The following ENOX2 variants were observed in gnomAD, a reference collection of about 807,000 sequenced individuals.
ENOX2 encodes the protein ecto-NOX disulfide-thiol exchanger 2.
A neutral mutation model predicts 45.0 loss-of-function variants in ENOX2; 36 were observed. The observed-to-expected ratio is 0.80, with a 90% confidence interval of 0.61 to 1.06. ENOX2 has a LOEUF of 1.06. Among genes scored for constraint, ENOX2 ranks in the 50% least tolerant of loss-of-function variants. The probability of loss-of-function intolerance (pLI) is 0.00; values close to 1 mark genes in which losing one functional copy is unlikely to be tolerated. For missense variants in ENOX2, 423 were observed against 462.5 expected (o/e 0.91, Z 0.78); for synonymous variants, 174 against 152.3 (o/e 1.14, Z -1.05).
intron 2 of ENOX2, among the ~76,000 whole-genome samples, chrX:130,855,904 G>A (rs1161136690): frequency 2.7e-5 from 3 of 111,222 alleles, no homozygotes; most frequent in Non-Finnish European, 5.7e-5. Flanking sequence ...AGAAAGAAAG[G>A]TCAAAGGACA....
chrX:130,797,971 T>G (rs1326455394), intron 2 of ENOX2, among the ~76,000 whole-genome samples: 1 of 110,883 alleles, frequency 9.0e-6, no homozygotes, highest in Non-Finnish European at 1.9e-5. Flanking sequence ...TTTAAGGCAG[T>G]GTGTCTTATC....
chrX:130,666,493 G>A (rs1227875261), intron 8 of ENOX2, among the ~76,000 whole-genome samples: 1 of 111,760 alleles, frequency 8.9e-6, no homozygotes, highest in African/African-American at 3.3e-5. Context: ...GAAAAGAAAA[G>A]CAGGACAAGA....
At chrX:130,747,271 T>G (rs913909876) in intron 3 of ENOX2, among the ~76,000 whole-genome samples, 4 of 106,941 alleles carry the variant, frequency 3.7e-5, no homozygotes, top group African/African-American at 1.0e-4. Context: ...TAAGTTTTTG[T>G]TTTTTTTTTC....
At chrX:130,635,503 T>C (rs1569477789) in intron 11 of ENOX2, among the ~76,000 whole-genome samples, 2 of 112,213 alleles carry the variant, frequency 1.8e-5, no homozygotes, top group Non-Finnish European at 3.8e-5. Flanking sequence ...TAGTAGTAAA[T>C]AATCCAAATT....
rs1035440785 is a variant in ENOX2, at chrX:130,677,575, T to C, written c.460+1967A>G. Among the ~76,000 whole-genome samples, 6 of 111,316 alleles carry C rather than the reference T, an allele frequency of 5.4e-5. No individual in the cohort carries two copies. The South Asian group carries it at 1.5e-3, about 29-fold the overall frequency. On this transcript the variant is annotated intron_variant, in intron 6 of 14. Coordinates refer to ENST00000394363, the MANE Select transcript of ENOX2 (RefSeq NM_006375.4). ...AAGAGCTGGGGCCTTTAAGAGGTGA[T>C]TGGGTCATGAAGTCTCTGTCCTCAT...
intron 2 of ENOX2, among the ~76,000 whole-genome samples, chrX:130,795,018 G>A (rs1172148182): frequency 1.8e-5 from 2 of 111,692 alleles, no homozygotes; most frequent in African/African-American, 6.5e-5. Context: ...TATTAATTTT[G>A]CTATACTGCG....
At chrX:130,755,645 T>C (rs1197024433) in intron 3 of ENOX2, among the ~76,000 whole-genome samples, 1 of 110,678 alleles carries the variant, frequency 9.0e-6, no homozygotes, top group African/African-American at 3.3e-5. Flanking sequence ...ACATGAGACA[T>C]TTGGATATAG....
chrX:130,771,157 A>G, intron 3 of ENOX2, among the ~76,000 whole-genome samples: 1 of 112,420 alleles, frequency 8.9e-6, no homozygotes, highest in Middle Eastern at 4.6e-3. Flanking sequence ...GAGGTGCCAG[A>G]AATCTCTGTG....
At chrX:130,728,131 G>A (rs1471166875) in intron 3 of ENOX2, among the ~76,000 whole-genome samples, 1 of 111,490 alleles carries the variant, frequency 9.0e-6, no homozygotes, top group Non-Finnish European at 1.9e-5. Context: ...TCACTTGGCA[G>A]GTTCCTGTAG....
At chrX:130,660,595 C>G (rs961747604) in intron 9 of ENOX2, among the ~76,000 whole-genome samples, 1 of 112,001 alleles carries the variant, frequency 8.9e-6, no homozygotes, top group African/African-American at 3.2e-5. Flanking sequence ...ATAGCTGTCT[C>G]CCAGATTTGC....
intron 3 of ENOX2, among the ~76,000 whole-genome samples, chrX:130,733,263 T>C (rs1445140488): frequency 9.0e-6 from 1 of 110,904 alleles, no homozygotes; most frequent in East Asian, 2.8e-4. Context: ...CCAATAGCTA[T>C]GTGAAAAAAA....
Position 130,623,924 on chromosome X carries a change from TCTTTTAAAAATA to T in ENOX2, c.*1378_*1389del, listed in dbSNP as rs2035479769. 8.9e-6 allele frequency: 1 copy of T among 112,418 alleles called. No homozygotes were observed. The highest frequency in any genetic ancestry group is 1.9e-5 in the Non-Finnish European group (1 of 53,335). 9.3% of individuals were successfully genotyped at this position (112,418 alleles called of 1,213,427 possible). ...ACTGAGGTATAAAAAGGAATATTTA[TCTTTTAAAAATA>T]CAACTTTGAACACTACTGGCATCTC... On this transcript the variant is annotated 3_prime_UTR_variant, in exon 15 of 15. Transcript: ENST00000394363.
chrX:130,812,332 C>A (rs1018872687), intron 2 of ENOX2, among the ~76,000 whole-genome samples: 6 of 111,723 alleles, frequency 5.4e-5, no homozygotes, highest in African/African-American at 2.0e-4. Flanking sequence ...AGGCAAATCA[C>A]ATATAAGGGA....
intron 2 of ENOX2, among the ~76,000 whole-genome samples, chrX:130,847,415 G>A (rs747493403): frequency 6.3e-5 from 7 of 111,748 alleles, no homozygotes; most frequent in Non-Finnish European, 1.3e-4. Context: ...AGAGCACCTA[G>A]TTATTAATTT....
rs770425292 is a variant in ENOX2, at chrX:130,689,057, CAA to C, written c.98-41_98-40del. On this transcript the variant is annotated intron_variant, in intron 4 of 14. Coordinates refer to ENST00000394363, the MANE Select transcript of ENOX2 (RefSeq NM_006375.4). ...AGAGAGAACAATAAATGACACCAGG[CAA>C]AGTTAAGTGGAGATAGAATGTTACT... 5.1e-5 allele frequency: 58 copies of C among 1,131,069 alleles called. No homozygotes were observed. The Admixed American group carries it at 8.2e-4, about 16-fold the overall frequency. The allele number at this position is 1,131,069 out of a possible 1,213,427, so 93.2% of individuals were successfully genotyped here.
chrX:130,685,640 G>T lies in ENOX2; in HGVS notation c.253+3223C>A, dbSNP rs757705614. Among the ~76,000 whole-genome samples the T allele has an allele frequency of 8.7e-4, 98 of 112,001 alleles. No individual in the cohort carries two copies. In the Admixed American group the frequency reaches 8.9e-3, roughly 10 times the overall value. ...TGAGGGAAAGAAATCCATTAGATTT[G>T]GCATTCACTATTTAAGTGAAAATGC... On this transcript the variant is annotated intron_variant, in intron 5 of 14. Coordinates refer to ENST00000394363, the MANE Select transcript of ENOX2 (RefSeq NM_006375.4).
At chrX:130,768,007 G>C (rs1472739518) in intron 3 of ENOX2, among the ~76,000 whole-genome samples, 1 of 111,720 alleles carries the variant, frequency 9.0e-6, no homozygotes, top group Non-Finnish European at 1.9e-5. Context: ...GGGCTCAAGG[G>C]AGACAGGGTG....
At chrX:130,899,937 C>T (rs1167776428) in intron 2 of ENOX2, among the ~76,000 whole-genome samples, 1 of 112,058 alleles carries the variant, frequency 8.9e-6, no homozygotes, top group Non-Finnish European at 1.9e-5. Flanking sequence ...TATTAACATC[C>T]ACCAAGTCCT....
At chrX:130,657,092 T>C (rs2036568777) in intron 9 of ENOX2, among the ~76,000 whole-genome samples, 1 of 112,132 alleles carries the variant, frequency 8.9e-6, no homozygotes, top group Non-Finnish European at 1.9e-5. Flanking sequence ...CTCTGTCTTT[T>C]TATAGTTTTA....
Sources: allele counts gnomAD v4.1 joint callset (sites outside exome capture counted in the v4.1 genomes callset), GRCh38; gene constraint gnomAD v4.1.1; transcripts MANE v1.5; gene names NCBI Gene and HGNC (gene_info 2026-07-23, HGNC 2026-07-21).